PHAF1: variants seen among roughly 807,000 people sequenced by gnomAD.
The protein encoded by PHAF1 is phagosome assembly factor 1.
PHAF1 carries 23 observed loss-of-function variants against 63.1 expected under a neutral mutation model. That is an observed-to-expected ratio of 0.36 (90% CI 0.26 to 0.52). The LOEUF is 0.52. Among genes scored for constraint, PHAF1 ranks in the 20% least tolerant of loss-of-function variants. The probability of loss-of-function intolerance (pLI) is 0.93; values close to 1 mark genes in which losing one functional copy is unlikely to be tolerated. For missense variants in PHAF1, 427 were observed against 517.2 expected (o/e 0.83, Z 1.69); for synonymous variants, 167 against 185.0 (o/e 0.90, Z 0.79).
rs1025820958 is a variant in PHAF1 at position 67,147,430 on chromosome 16, G to C, written c.*299G>C. On this transcript the variant is annotated 3_prime_UTR_variant, in exon 16 of 16. Coordinates refer to ENST00000219139, the MANE Select transcript of PHAF1 (RefSeq NM_025187.5). ...CTCAACTAACAAGGAGGCAGGAGAG[G>C]TCAACCCTTGTCCCATGCACATTGG... 4 of 416,116 alleles carry C rather than the reference G, an allele frequency of 9.6e-6. No homozygotes were observed. Among genetic ancestry groups the C allele is most frequent in the Non-Finnish European group, 1.3e-5 (3 of 229,668 alleles). The allele number at this position is 416,116 out of a possible 1,614,324, so 25.8% of individuals were successfully genotyped here.
intron 8 of PHAF1, among the ~76,000 whole-genome samples, chr16:67,136,823 G>C (rs57103278): frequency 0.16 from 23,953 of 151,710 alleles, 3,201 homozygotes; most frequent in African/African-American, 0.37. Flanking sequence ...TTAAGCGGTC[G>C]TCCCACCTCA....
chr16:67,126,982 G>A (rs184347151), intron 3 of PHAF1, among the ~76,000 whole-genome samples: 1 of 149,928 alleles, frequency 6.7e-6, no homozygotes, highest in South Asian at 2.1e-4. Context: ...TCTGCCTCCC[G>A]GGTTTAAGCA....
At chr16:67,113,724 C>T (rs2145814323) in intron 1 of PHAF1, among the ~76,000 whole-genome samples, 1 of 148,426 alleles carries the variant, frequency 6.7e-6, no homozygotes, top group East Asian at 2.0e-4. Flanking sequence ...GCTGGGATTA[C>T]AGGCGTGAGC....
At chr16:67,123,859 A>G (rs1003438100) in intron 2 of PHAF1, among the ~76,000 whole-genome samples, 8 of 152,224 alleles carry the variant, frequency 5.3e-5, no homozygotes, top group Admixed American at 2.0e-4. Flanking sequence ...ACACCTTGGA[A>G]ATGAAATGTC....
chr16:67,126,115 T>C (rs570589324), intron 3 of PHAF1, 73 bp downstream of exon 3: 1 of 1,155,424 alleles, frequency 8.7e-7, no homozygotes, highest in East Asian at 2.4e-5. Context: ...GTATGTGCTA[T>C]TGTGAGATGT....
chr16:67,121,705 C>T (rs529533347), intron 2 of PHAF1, among the ~76,000 whole-genome samples: 14 of 151,780 alleles, frequency 9.2e-5, no homozygotes, highest in Middle Eastern at 3.4e-3. Flanking sequence ...CTCAGCCTCC[C>T]GAGTAGCTGG....
At position 67,109,989 on chromosome 16, in the gene PHAF1, G is replaced by A. The variant is rs1414471643; in HGVS notation, c.-187G>A. On this transcript the variant is annotated 5_prime_UTR_variant, in exon 1 of 16. Transcript: ENST00000219139. ...TGCCCCCGCTGCCGCGGCTGCTGCA[G>A]GTGAGGTGAAGTGAGGTGAGGTGTG... 1.8e-6 allele frequency: 1 copy of A among 568,394 alleles called. No individual in the cohort carries two copies. Among genetic ancestry groups the A allele is most frequent in the Non-Finnish European group, 3.1e-6 (1 of 326,924 alleles). 35.2% of individuals were successfully genotyped at this position (568,394 alleles called of 1,614,324 possible). A position where few individuals can be genotyped will look rare whatever the true frequency, so the allele number is the denominator to read the frequency against.
At position 67,110,284 on chromosome 16, in the gene PHAF1, C is replaced by T. The variant is rs781569551; in HGVS notation, c.64+45C>T. ...TCAGGACCCCATTCGCTGATCCTTG[C>T]TTTCTCCTGGGCTCTTCCCACCTGT... On this transcript the variant is annotated intron_variant, in intron 1 of 15. Coordinates refer to ENST00000219139, the MANE Select transcript of PHAF1 (RefSeq NM_025187.5). The T allele has an allele frequency of 1.9e-6, 3 of 1,543,482 alleles. No individual in the cohort carries two copies. In the African/African-American group the frequency reaches 4.1e-5, roughly 21 times the overall value.
chr16:67,127,715 G>C (rs950879089), intron 3 of PHAF1, among the ~76,000 whole-genome samples: 1 of 151,970 alleles, frequency 6.6e-6, no homozygotes, highest in Admixed American at 6.6e-5. Context: ...AGAATGGCGT[G>C]AACCCGGGAG....
chr16:67,128,728 AG>A (rs370828060), intron 3 of PHAF1, among the ~76,000 whole-genome samples: 298 of 152,342 alleles, frequency 2.0e-3, no homozygotes, highest in African/African-American at 6.6e-3. Flanking sequence ...GCAAGCTCCA[AG>A]AGATGAAATC....
rs1962462734 is a variant in PHAF1 at position 67,110,386 on chromosome 16, G to C, written c.64+147G>C. On this transcript the variant is annotated intron_variant, in intron 1 of 15. Coordinates refer to ENST00000219139, the MANE Select transcript of PHAF1 (RefSeq NM_025187.5). ...TCGGCTCGCTGGGCTCCAGGCACTAGATACCCGCTCCAACTGGCCCGATTT... is the reference window on the plus strand; with the variant it reads ...TCGGCTCGCTGGGCTCCAGGCACTACATACCCGCTCCAACTGGCCCGATTT... The C allele has an allele frequency of 4.6e-6, 4 of 867,400 alleles. No homozygotes were observed. In the South Asian group the frequency reaches 5.0e-5, roughly 11 times the overall value. The allele number at this position is 867,400 out of a possible 1,614,324, so 53.7% of individuals were successfully genotyped here.
At chr16:67,131,446 C>A in intron 4 of PHAF1, 117 bp downstream of exon 4, 1 of 756,348 alleles carries the variant, frequency 1.3e-6, no homozygotes, top group Non-Finnish European at 2.1e-6. Flanking sequence ...AGCCTGGTGC[C>A]ATGAATTCCT....
chr16:67,121,627 C>T (rs1962981623), intron 2 of PHAF1, among the ~76,000 whole-genome samples: 1 of 148,534 alleles, frequency 6.7e-6, no homozygotes, highest in South Asian at 2.1e-4. Context: ...GTTGCGCAAA[C>T]TGGAGTGCAA....
chr16:67,139,343 C>CTTTTTTTTTT (rs1164245105), intron 8 of PHAF1, among the ~76,000 whole-genome samples: 1 of 86,872 alleles, frequency 1.2e-5, no homozygotes, highest in Non-Finnish European at 2.0e-5. Context: ...ACAGCACTGC[C>CTTTTTTTTTT]TTTTTTTTTT....
chr16:67,110,094 G>C lies in PHAF1; in HGVS notation c.-82G>C. 6.9e-7 allele frequency: 1 copy of C among 1,451,110 alleles called. No homozygotes were observed. Among genetic ancestry groups the C allele is most frequent in the East Asian group, 2.5e-5 (1 of 40,156 alleles). 89.9% of individuals were successfully genotyped at this position (1,451,110 alleles called of 1,614,324 possible). ...TGTGGCGGGCCGGCGGGGGCGGCCT[G>C]TCAGCCGCTGCTTTGTCTCCTTAGC... is the stretch of plus-strand genomic sequence containing the variant. On this transcript the variant is annotated 5_prime_UTR_variant, in exon 1 of 16. Transcript: ENST00000219139.
intron 3 of PHAF1, among the ~76,000 whole-genome samples, chr16:67,127,946 T>C (rs994832842): frequency 2.2e-4 from 33 of 152,314 alleles, no homozygotes; most frequent in African/African-American, 7.0e-4. Flanking sequence ...AATGAGAAGC[T>C]GGAAGTAACC....
At chr16:67,120,712 C>T (rs1313517853) in intron 2 of PHAF1, among the ~76,000 whole-genome samples, 2 of 151,694 alleles carry the variant, frequency 1.3e-5, no homozygotes, top group Non-Finnish European at 2.9e-5. Flanking sequence ...TGACACAGAC[C>T]ATGTGCTGCC....
intron 14 of PHAF1, among the ~76,000 whole-genome samples, chr16:67,145,891 T>C (rs2030014145): frequency 1.3e-5 from 2 of 152,278 alleles, no homozygotes; most frequent in African/African-American, 4.8e-5. Context: ...CCCTCAGTTA[T>C]TCAATAAGGA....
chr16:67,119,866 CAA>C (rs1458752638), intron 1 of PHAF1, among the ~76,000 whole-genome samples: 2 of 152,112 alleles, frequency 1.3e-5, no homozygotes, highest in Non-Finnish European at 2.9e-5. Flanking sequence ...CACAGATAAG[CAA>C]AAGAGTCCTT....
Sources: gnomAD v4.1 joint callset for allele counts (sites outside exome capture counted in the v4.1 genomes callset) on GRCh38, gnomAD v4.1.1 for gene constraint, MANE v1.5 for transcripts, NCBI Gene and HGNC (gene_info 2026-07-23, HGNC 2026-07-21) for gene names.